Variants in NGEF observed in about 807,000 individuals in gnomAD.
NGEF encodes the protein neuronal guanine nucleotide exchange factor.
Under a neutral mutation model 80.9 loss-of-function variants are expected in NGEF, and 31 were observed. The ratio of observed to expected loss-of-function variants is 0.38; its 90% confidence interval spans 0.29 to 0.52. NGEF has a LOEUF of 0.52. Among genes scored for constraint, NGEF ranks in the 20% least tolerant of loss-of-function variants. NGEF has a pLI of 0.84. For synonymous variants in NGEF, 371 were observed against 370.2 expected, an observed-to-expected ratio of 1.00 and a Z score of -0.03; for missense variants, 709 against 926.2, an observed-to-expected ratio of 0.77 and a Z score of 3.04.
chr2:232,927,296 C>T, intron 3 of NGEF, 110 bp from the exon 4 acceptor site: 2 of 1,242,904 alleles, frequency 1.6e-6, no homozygotes, highest in Non-Finnish European at 2.2e-6. Context: ...CGGACCTTAC[C>T]CGGGACCGTC....
At chr2:232,999,286 G>A (rs1694921576) in intron 1 of NGEF, among the ~76,000 whole-genome samples, 1 of 152,106 alleles carries the variant, frequency 6.6e-6, no homozygotes, top group African/African-American at 2.4e-5. Flanking sequence ...AGAATCAACG[G>A]TTGTAAAATG....
chr2:232,978,583 CA>C (rs371341439), intron 1 of NGEF, among the ~76,000 whole-genome samples: 6 of 152,278 alleles, frequency 3.9e-5, no homozygotes, highest in African/African-American at 1.4e-4. Flanking sequence ...TTTTGACAAA[CA>C]CATTCAGTGC....
intron 3 of NGEF, 91 bp downstream of exon 3, chr2:232,970,123 G>T: frequency 2.0e-5 from 11 of 558,434 alleles, no homozygotes; most frequent in East Asian, 3.3e-5. Flanking sequence ...TTTTTAACAT[G>T]ACACCCTCGT....
chr2:232,904,309 A>G (rs1283896135), intron 5 of NGEF, among the ~76,000 whole-genome samples: 1 of 151,772 alleles, frequency 6.6e-6, no homozygotes. Flanking sequence ...ATCTTTCTCT[A>G]GCTCTGCCTC....
intron 3 of NGEF, among the ~76,000 whole-genome samples, chr2:232,946,062 G>T (rs1693550924): frequency 1.4e-5 from 2 of 147,182 alleles, no homozygotes; most frequent in Admixed American, 1.4e-4. Flanking sequence ...ATATATATCT[G>T]ATATATATAT....
intron 3 of NGEF, among the ~76,000 whole-genome samples, chr2:232,959,486 G>A (rs1466463461): frequency 2.0e-5 from 3 of 152,076 alleles, no homozygotes; most frequent in African/African-American, 7.2e-5. Flanking sequence ...AAGGAACAGT[G>A]TGGAAATGGG....
intron 3 of NGEF, among the ~76,000 whole-genome samples, chr2:232,955,262 C>A (rs1693798503): frequency 6.6e-6 from 1 of 152,210 alleles, no homozygotes; most frequent in Non-Finnish European, 1.5e-5. Context: ...ATCCCATCAT[C>A]CCCAAATACT....
chr2:232,896,719 A>AGG (rs1296664084), intron 5 of NGEF, among the ~76,000 whole-genome samples: 4 of 12,652 alleles, frequency 3.2e-4, no homozygotes, highest in Non-Finnish European at 4.0e-4. Context: ...GGTAGGGGTG[A>AGG]GTGCAAAAGT....
At chr2:232,916,873 G>A (rs563010603) in intron 5 of NGEF, among the ~76,000 whole-genome samples, 20 of 152,256 alleles carry the variant, frequency 1.3e-4, no homozygotes, top group Admixed American at 3.3e-4. Flanking sequence ...AGAGATGTTC[G>A]CACACACAAA....
chr2:232,915,301 T>C lies in NGEF; in HGVS notation c.828+4983A>G, dbSNP rs978438620. Among the ~76,000 whole-genome samples the C allele has an allele frequency of 2.7e-4, 41 of 152,230 alleles. 1 individual carries two copies. The highest frequency in any genetic ancestry group is 1.3e-4 in the Admixed American group (2 of 15,276). ...CATTCATCTTATCAAGACTTTTGCA[T>C]AGTATCTTCTTGGATCTCTGTCCTC... On this transcript the variant is annotated intron_variant, in intron 5 of 14. Transcript: ENST00000264051.
At chr2:232,948,551 C>A (rs1170633555) in intron 3 of NGEF, among the ~76,000 whole-genome samples, 1 of 152,066 alleles carries the variant, frequency 6.6e-6, no homozygotes, top group Non-Finnish European at 1.5e-5. Context: ...AGAGAGAATG[C>A]CAACATGCGA....
chr2:232,904,757 G>A (rs1030289184), intron 5 of NGEF, among the ~76,000 whole-genome samples: 6 of 152,020 alleles, frequency 3.9e-5, no homozygotes, highest in Non-Finnish European at 4.4e-5. Context: ...TAGCCCAGGC[G>A]AAACAGCAAG....
chr2:232,891,240 T>C, intron 8 of NGEF, 118 bp downstream of exon 8: 1 of 1,331,706 alleles, frequency 7.5e-7, no homozygotes, highest in Non-Finnish European at 1.0e-6. Flanking sequence ...TTGGCACACA[T>C]GGGAGGAGCT....
chr2:232,943,090 T>C (rs1309706511), intron 3 of NGEF, among the ~76,000 whole-genome samples: 1 of 152,108 alleles, frequency 6.6e-6, no homozygotes, highest in Non-Finnish European at 1.5e-5. Flanking sequence ...ACGGAGTCAG[T>C]GGGCTGTCTA....
chr2:232,919,741 C>T (rs1692893129), intron 5 of NGEF, among the ~76,000 whole-genome samples: 1 of 152,196 alleles, frequency 6.6e-6, no homozygotes, highest in African/African-American at 2.4e-5. Context: ...CCTGAACCAT[C>T]AAATGAAGGG....
rs935693204 is a variant in NGEF, at chr2:232,895,565, G to A, written c.829-649C>T. 2.7e-5 allele frequency among the ~76,000 whole-genome samples: 4 copies of A among 150,430 alleles called. No individual in the cohort carries two copies. In the South Asian group the frequency reaches 6.3e-4, roughly 24 times the overall value. On this transcript the variant is annotated intron_variant, in intron 5 of 14. Transcript: ENST00000264051. The stretch of plus-strand genomic sequence containing the variant: ...AAAGGTCAGCCACACACCTGAGCCC[G>A]CACAGCTGCCAAGGGTGGCTTGGCC...
At chr2:232,980,981 G>C (rs1030794271) in intron 1 of NGEF, among the ~76,000 whole-genome samples, 2 of 151,910 alleles carry the variant, frequency 1.3e-5, no homozygotes, top group Admixed American at 6.6e-5. Flanking sequence ...CAGGAGTCCT[G>C]ATCTGGAGAA....
chr2:232,915,911 G>A lies in NGEF; in HGVS notation c.828+4373C>T, dbSNP rs182578585. ...TCACCATGTTGACCAGGCTGGTCTC[G>A]AACTCCCGACCTCAGGTGATCTACC... is the stretch of plus-strand genomic sequence containing the variant. On this transcript the variant is annotated intron_variant, in intron 5 of 14. Coordinates refer to ENST00000264051, the MANE Select transcript of NGEF (RefSeq NM_019850.3). Among the ~76,000 whole-genome samples the A allele has an allele frequency of 2.3e-4, 35 of 152,182 alleles. 1 individual carries two copies. The East Asian group carries it at 6.2e-3, about 27-fold the overall frequency.
chr2:233,000,524 G>A (rs890419206), intron 1 of NGEF, among the ~76,000 whole-genome samples: 21 of 152,124 alleles, frequency 1.4e-4, no homozygotes, highest in African/African-American at 3.4e-4. Context: ...TTGGGAGGCC[G>A]AGGCGGGTGG....
Sources: allele counts gnomAD v4.1 joint callset (sites outside exome capture counted in the v4.1 genomes callset), GRCh38; gene constraint gnomAD v4.1.1; transcripts MANE v1.5; gene names NCBI Gene and HGNC (gene_info 2026-07-23, HGNC 2026-07-21).